The following PHACTR3 variants were observed in gnomAD, a reference collection of about 807,000 sequenced individuals.
PHACTR3 encodes protein phosphatase 1, regulatory subunit 123.
In PHACTR3, 16 loss-of-function variants were observed where a neutral mutation model predicts 66.8. The ratio of observed to expected loss-of-function variants is 0.24; its 90% CI spans 0.16 to 0.36. The LOEUF (loss-of-function observed/expected upper bound fraction) is 0.36, where lower values mean the gene tolerates loss of function less well. Among genes scored for constraint, PHACTR3 ranks in the 10% least tolerant of loss-of-function variants. The pLI, the probability that PHACTR3 is intolerant of heterozygous loss-of-function variation, is 1.00. For synonymous variants in PHACTR3, 323 were observed against 292.1 expected, an observed-to-expected ratio of 1.11 and a Z score of -1.08; for missense variants, 647 against 719.9, an observed-to-expected ratio of 0.90 and a Z score of 1.16.
chr20:59,825,145 G>T (rs2042149786), intron 8 of PHACTR3, among the ~76,000 whole-genome samples: 1 of 152,202 alleles, frequency 6.6e-6, no homozygotes, highest in African/African-American at 2.4e-5. Context: ...CCCTTGGAGG[G>T]GTCCTGAGTC....
chr20:59,814,769 G>A (rs946735095), intron 8 of PHACTR3, among the ~76,000 whole-genome samples: 3 of 152,108 alleles, frequency 2.0e-5, no homozygotes, highest in South Asian at 2.1e-4. Flanking sequence ...TCTGTCTCTC[G>A]GGAATGGAGC....
chr20:59,596,836 G>T (rs997561271), intron 1 of PHACTR3, among the ~76,000 whole-genome samples: 9 of 152,334 alleles, frequency 5.9e-5, no homozygotes, highest in African/African-American at 2.2e-4. Flanking sequence ...TATAGGTCAC[G>T]TGCAGGCACC....
chr20:59,708,157 G>A (rs1601154385), intron 1 of PHACTR3, among the ~76,000 whole-genome samples: 2 of 152,280 alleles, frequency 1.3e-5, no homozygotes, highest in East Asian at 3.9e-4. Context: ...GGTGACAGAT[G>A]GGAGCATCAG....
chr20:59,652,063 A>T (rs1449650535), intron 1 of PHACTR3, among the ~76,000 whole-genome samples: 2 of 152,200 alleles, frequency 1.3e-5, no homozygotes, highest in African/African-American at 4.8e-5. Context: ...GGAACTGGTA[A>T]TGTAACTTCC....
At chr20:59,806,598 C>A (rs988363033) in intron 8 of PHACTR3, among the ~76,000 whole-genome samples, 1 of 152,156 alleles carries the variant, frequency 6.6e-6, no homozygotes, top group African/African-American at 2.4e-5. Context: ...TGATCATTTT[C>A]CTGCAAGAAG....
intron 1 of PHACTR3, among the ~76,000 whole-genome samples, chr20:59,605,416 C>A (rs912327065): frequency 6.6e-6 from 1 of 152,200 alleles, no homozygotes; most frequent in Non-Finnish European, 1.5e-5. Context: ...TTCCTTTCCT[C>A]GGGTGCTGAC....
intron 7 of PHACTR3, among the ~76,000 whole-genome samples, chr20:59,782,151 G>C (rs2040746977): frequency 1.3e-5 from 2 of 152,190 alleles, no homozygotes; most frequent in South Asian, 4.1e-4. Flanking sequence ...GTTGAAAGGT[G>C]TATTAGTCCG....
At chr20:59,756,356 A>G (rs908989819) in intron 4 of PHACTR3, among the ~76,000 whole-genome samples, 1 of 152,190 alleles carries the variant, frequency 6.6e-6, no homozygotes, top group Non-Finnish European at 1.5e-5. Flanking sequence ...TCCAGGCCCC[A>G]GGACAGCCTG....
At chr20:59,816,359 G>A (rs932017938) in intron 8 of PHACTR3, among the ~76,000 whole-genome samples, 1 of 152,166 alleles carries the variant, frequency 6.6e-6, no homozygotes, top group African/African-American at 2.4e-5. Flanking sequence ...CTGGGGTTGG[G>A]ACCCCTGTTC....
intron 1 of PHACTR3, among the ~76,000 whole-genome samples, chr20:59,694,802 G>T (rs1327628973): frequency 6.6e-6 from 1 of 152,148 alleles, no homozygotes; most frequent in Non-Finnish European, 1.5e-5. Context: ...CAGCATGGAA[G>T]ACACAGCAGC....
chr20:59,781,483 G>A (rs949180265), intron 7 of PHACTR3, among the ~76,000 whole-genome samples: 7 of 152,206 alleles, frequency 4.6e-5, no homozygotes, highest in Non-Finnish European at 1.0e-4. Context: ...GGTGATGTCA[G>A]TGACCCCCTT....
At chr20:59,681,524 T>TG (rs1051272393) in intron 1 of PHACTR3, among the ~76,000 whole-genome samples, 11 of 152,186 alleles carry the variant, frequency 7.2e-5, no homozygotes, top group Non-Finnish European at 1.5e-4. Context: ...GTTAATCAAA[T>TG]GGGTAGATGA....
chr20:59,772,805 A>C (rs2040401477), intron 5 of PHACTR3, among the ~76,000 whole-genome samples: 1 of 152,156 alleles, frequency 6.6e-6, no homozygotes, highest in Non-Finnish European at 1.5e-5. Flanking sequence ...TGGAGCCCAG[A>C]AATTTATTCC....
Position 59,754,188 on chromosome 20 carries a change from A to G in PHACTR3, c.359-994A>G, listed in dbSNP as rs554683405. On this transcript the variant is annotated intron_variant, in intron 3 of 12. Transcript: ENST00000371015. ...CTGCAGTTGGGTAACTGAGCCATTTATTTTGCTCTCCAAGTGCTGAGCCCC... is the reference window on the plus strand; with the variant it reads ...CTGCAGTTGGGTAACTGAGCCATTTGTTTTGCTCTCCAAGTGCTGAGCCCC... Among the ~76,000 whole-genome samples, 4 of 152,260 alleles carry G rather than the reference A, an allele frequency of 2.6e-5. No homozygotes were observed. The East Asian group carries it at 7.7e-4, about 29-fold the overall frequency.
At chr20:59,812,529 G>A (rs1358349031) in intron 8 of PHACTR3, among the ~76,000 whole-genome samples, 1 of 152,216 alleles carries the variant, frequency 6.6e-6, no homozygotes, top group Admixed American at 6.5e-5. Flanking sequence ...TTTGGTCCTG[G>A]AGACAGAACG....
At chr20:59,683,645 A>G (rs1385655700) in intron 1 of PHACTR3, among the ~76,000 whole-genome samples, 1 of 152,206 alleles carries the variant, frequency 6.6e-6, no homozygotes, top group Non-Finnish European at 1.5e-5. Context: ...GTCTCTCACT[A>G]AGGATTTTGA....
chr20:59,603,859 G>A (rs76346181), upstream of PHACTR3: 1,153 of 153,250 alleles, frequency 7.5e-3, 26 homozygotes, highest in East Asian at 0.092. Context: ...GCCCTGGCTG[G>A]GGAAGCAGCG....
chr20:59,764,587 A>G (rs149068800), intron 4 of PHACTR3, among the ~76,000 whole-genome samples: 167 of 152,318 alleles, frequency 1.1e-3, no homozygotes, highest in African/African-American at 3.7e-3. Context: ...AAATAGGTCA[A>G]ACGTATGGAG....
At chr20:59,778,809 C>T (rs1405487460) in intron 7 of PHACTR3, among the ~76,000 whole-genome samples, 2 of 152,146 alleles carry the variant, frequency 1.3e-5, no homozygotes, top group East Asian at 3.9e-4. Flanking sequence ...TCTCCCATGG[C>T]GTGGCTCAGA....
Sources: gnomAD v4.1 joint callset for allele counts (sites outside exome capture counted in the v4.1 genomes callset) on GRCh38, gnomAD v4.1.1 for gene constraint, MANE v1.5 for transcripts, NCBI Gene and HGNC (gene_info 2026-07-23, HGNC 2026-07-21) for gene names.